The following HCRTR2 variants were observed in gnomAD, a reference collection of about 807,000 sequenced individuals.
The protein encoded by HCRTR2 is hypocretin receptor 2.
In HCRTR2, 22 loss-of-function variants were observed where a neutral mutation model predicts 49.0. The observed-to-expected ratio is 0.45, with a 90% confidence interval of 0.32 to 0.64. HCRTR2 has a LOEUF of 0.64. Among genes scored for constraint, HCRTR2 ranks in the 30% least tolerant of loss-of-function variants. The pLI, the probability that HCRTR2 is intolerant of heterozygous loss-of-function variation, is 0.04. For missense variants in HCRTR2, 491 were observed against 559.4 expected, an observed-to-expected ratio of 0.88 and a Z score of 1.23; for synonymous variants, 236 against 205.3, an observed-to-expected ratio of 1.15 and a Z score of -1.28.
chr6:55,118,122 G>A (rs901470552), intron 1 of HCRTR2, among the ~76,000 whole-genome samples: 1 of 151,674 alleles, frequency 6.6e-6, no homozygotes, highest in African/African-American at 2.4e-5. Context: ...TCATCATTTA[G>A]CTCCCACCTA....
At chr6:55,152,960 C>T (rs78463216) in intron 1 of HCRTR2, among the ~76,000 whole-genome samples, 24,492 of 151,944 alleles carry the variant, frequency 0.16, 2,424 homozygotes, top group Non-Finnish European at 0.22. Flanking sequence ...AAGAAATCAT[C>T]GCCAGAGCCA....
At chr6:55,174,173 A>G (rs546068247), upstream of HCRTR2, 72 of 202,112 alleles carry the variant, frequency 3.6e-4, no homozygotes, top group Non-Finnish European at 5.3e-4. Flanking sequence ...AAAAAAACAG[A>G]TTAAATTAGT....
rs116070797 is a variant in HCRTR2, at chr6:55,152,226, G to C, written c.-377-21985G>C. ...AGGCTTCCCTTTTCTCTACCTCCTT[G>C]CTAATACTTGTTATCTTTTGTGTTT... On this transcript the variant is annotated intron_variant, in intron 1 of 7. Coordinates refer to the HCRTR2 transcript ENST00000615358. Among the ~76,000 whole-genome samples the C allele has an allele frequency of 9.1e-3, 1,382 of 151,784 alleles. 7 individuals carry two copies. Among genetic ancestry groups the C allele is most frequent in the Middle Eastern group, 0.021 (6 of 292 alleles).
chr6:55,205,272 A>ATTTT (rs1034313696), intron 1 of HCRTR2, among the ~76,000 whole-genome samples: 1 of 152,190 alleles, frequency 6.6e-6, no homozygotes, highest in African/African-American at 2.4e-5. Flanking sequence ...ATATAGATAA[A>ATTTT]TTAGAGAAAA....
At chr6:55,203,481 A>C (rs1197152801) in intron 1 of HCRTR2, among the ~76,000 whole-genome samples, 1 of 152,144 alleles carries the variant, frequency 6.6e-6, no homozygotes, top group Non-Finnish European at 1.5e-5. Context: ...GATCACCTTC[A>C]CTGGGGGTTG....
chr6:55,240,980 A>C (rs1032516612), intron 1 of HCRTR2, among the ~76,000 whole-genome samples: 1 of 138,358 alleles, frequency 7.2e-6, no homozygotes, highest in East Asian at 2.1e-4. Context: ...TTTTTATTTT[A>C]TTATTATTAT....
intron 1 of HCRTR2, among the ~76,000 whole-genome samples, chr6:55,157,655 C>T (rs920831140): frequency 2.0e-5 from 3 of 152,230 alleles, no homozygotes; most frequent in African/African-American, 7.2e-5. Context: ...TTGTGTCACC[C>T]CTCCTTAAGT....
chr6:55,262,258 G>A (rs151318337), intron 3 of HCRTR2, among the ~76,000 whole-genome samples: 8 of 145,418 alleles, frequency 5.5e-5, no homozygotes, highest in East Asian at 2.0e-4. Context: ...AAAACCTATC[G>A]GAATAAAAAA....
At chr6:55,222,214 C>A (rs1765911346) in intron 1 of HCRTR2, among the ~76,000 whole-genome samples, 2 of 151,500 alleles carry the variant, frequency 1.3e-5, no homozygotes, top group African/African-American at 4.9e-5. Flanking sequence ...TGCTTAACAT[C>A]ATTAGTAATT....
intron 1 of HCRTR2, among the ~76,000 whole-genome samples, chr6:55,230,044 G>A (rs1271963530): frequency 6.6e-6 from 1 of 152,118 alleles, no homozygotes; most frequent in Non-Finnish European, 1.5e-5. Flanking sequence ...CAAAATGGCT[G>A]TACCTGGAGC....
At position 55,272,872 on chromosome 6, in the gene HCRTR2, G is replaced by C. The variant is rs915566668; in HGVS notation, c.763-4508G>C. Among the ~76,000 whole-genome samples the C allele has an allele frequency of 8.1e-5, 8 of 98,654 alleles. No individual in the cohort carries two copies. The East Asian group carries it at 2.2e-3, about 28-fold the overall frequency. 64.7% of individuals were successfully genotyped at this position (98,654 alleles called of 152,430 possible). ...CTTTTTTTTTTTTTTTTTTTGCAAA[G>C]AAGAAGTCATAGACTGTGTGAAAGA... On this transcript the variant is annotated intron_variant, in intron 4 of 6. Coordinates refer to ENST00000370862, the MANE Select transcript of HCRTR2 (RefSeq NM_001384272.1).
chr6:55,211,039 T>C (rs1216407807), intron 1 of HCRTR2, among the ~76,000 whole-genome samples: 1 of 152,168 alleles, frequency 6.6e-6, no homozygotes, highest in Non-Finnish European at 1.5e-5. Context: ...CATTGTGTTA[T>C]AATTGCCTAC....
intron 4 of HCRTR2, among the ~76,000 whole-genome samples, chr6:55,270,018 T>C (rs2127326062): frequency 6.6e-6 from 1 of 152,272 alleles, no homozygotes; most frequent in East Asian, 1.9e-4. Context: ...GTCCAGAAAT[T>C]ATAGAGACAT....
chr6:55,261,157 A>G (rs978131599), intron 3 of HCRTR2, among the ~76,000 whole-genome samples: 2 of 152,194 alleles, frequency 1.3e-5, no homozygotes, highest in Non-Finnish European at 2.9e-5. Flanking sequence ...CATTGCAGTA[A>G]AAGTAGGTAG....
intron 4 of HCRTR2, among the ~76,000 whole-genome samples, chr6:55,275,608 ATTTTTTTTT>A (rs3065694): frequency 7.5e-6 from 1 of 133,106 alleles, no homozygotes; most frequent in Non-Finnish European, 1.6e-5. Context: ...TGAAAACTGT[ATTTTTTTTT>A]TTTTTTTGAG....
chr6:55,133,390 A>AAC (rs940717222), intron 1 of HCRTR2, among the ~76,000 whole-genome samples: 51 of 150,820 alleles, frequency 3.4e-4, no homozygotes, highest in Admixed American at 6.0e-4. Flanking sequence ...CACACAAAAA[A>AAC]ACACACACAC....
At chr6:55,266,905 C>T (rs925573616) in intron 4 of HCRTR2, among the ~76,000 whole-genome samples, 1 of 152,110 alleles carries the variant, frequency 6.6e-6, no homozygotes, top group Non-Finnish European at 1.5e-5. Context: ...AAATAAATTG[C>T]ATCACAGATT....
chr6:55,123,065 A>G (rs1764224357), intron 1 of HCRTR2, among the ~76,000 whole-genome samples: 1 of 151,996 alleles, frequency 6.6e-6, no homozygotes, highest in Non-Finnish European at 1.5e-5. Flanking sequence ...ATATGTACAT[A>G]TGTAACAAAC....
At chr6:55,154,569 T>C (rs1040078641) in intron 1 of HCRTR2, among the ~76,000 whole-genome samples, 3 of 151,744 alleles carry the variant, frequency 2.0e-5, no homozygotes, top group Non-Finnish European at 3.0e-5. Context: ...AACTTTGACG[T>C]TGTTGAGAAA....
Sources: allele counts gnomAD v4.1 joint callset (sites outside exome capture counted in the v4.1 genomes callset), GRCh38; gene constraint gnomAD v4.1.1; transcripts MANE v1.5; gene names NCBI Gene and HGNC (gene_info 2026-07-23, HGNC 2026-07-21).